The following ANO7 variants were observed in gnomAD, a reference collection of about 807,000 sequenced individuals.
ANO7 encodes anoctamin 7.
ANO7 carries 114 observed loss-of-function variants against 115.8 expected under a neutral mutation model. The ratio of observed to expected loss-of-function variants is 0.98; its 90% CI spans 0.85 to 1.15. ANO7 has a LOEUF of 1.15. ANO7 is among the 50% of genes most tolerant of loss of function. The probability of loss-of-function intolerance (pLI) is 0.00; values close to 1 mark genes in which losing one functional copy is unlikely to be tolerated. For missense variants in ANO7, 1,302 were observed against 1,201.2 expected (o/e 1.08, Z -1.24); for synonymous variants, 550 against 498.2 (o/e 1.10, Z -1.38).
chr2:241,208,657 C>T (rs369262768), intron 11 of ANO7, among the ~76,000 whole-genome samples: 34 of 152,228 alleles, frequency 2.2e-4, no homozygotes, highest in Admixed American at 5.9e-4. Flanking sequence ...GTCCATCCCA[C>T]GTGCAAAATA....
intron 13 of ANO7, 128 bp from the exon 14 acceptor site, chr2:241,210,167 G>T: frequency 1.2e-6 from 1 of 866,260 alleles, no homozygotes; most frequent in Admixed American, 1.9e-5. Context: ...CTGGAGGCAG[G>T]GGCCTTCCTA....
chr2:241,214,981 C>T (rs894354158), intron 18 of ANO7, 79 bp downstream of exon 18: 18 of 1,325,704 alleles, frequency 1.4e-5, no homozygotes, highest in African/African-American at 7.3e-5. Flanking sequence ...GCCTCCAGCC[C>T]GGCCCTAGCT....
In ANO7 at chr2:241,204,773, G is replaced by A. The variant is rs1319542516; in HGVS notation, c.890-92G>A. The A allele has an allele frequency of 7.6e-6, 7 of 922,962 alleles. No individual in the cohort carries two copies. In the East Asian group the frequency reaches 1.7e-4, roughly 23 times the overall value. 57.2% of individuals were successfully genotyped at this position (922,962 alleles called of 1,614,324 possible). ...CAGCCCCCAAGCTGGGCTGAGGGTGGTCCCTAGGGGACAAGCATGGCTGTG... is the reference window on the plus strand; with the variant it reads ...CAGCCCCCAAGCTGGGCTGAGGGTGATCCCTAGGGGACAAGCATGGCTGTG... On this transcript the variant is annotated intron_variant, in intron 9 of 24. Coordinates refer to ENST00000674324, the MANE Select transcript of ANO7 (RefSeq NM_001370694.2).
At chr2:241,193,077 T>C (rs2068242672) in intron 3 of ANO7, among the ~76,000 whole-genome samples, 1 of 151,978 alleles carries the variant, frequency 6.6e-6, no homozygotes, top group African/African-American at 2.4e-5. Context: ...TGTTTTTTGT[T>C]TTTTGTGTTT....
intron 11 of ANO7, among the ~76,000 whole-genome samples, chr2:241,208,224 CT>C (rs2068634926): frequency 6.6e-6 from 1 of 152,250 alleles, no homozygotes. Flanking sequence ...TGGGAATCCA[CT>C]TGGATGTTTC....
Position 241,218,298 on chromosome 2 carries a change from C to A in ANO7, c.2238C>A (p.Arg746=). 2 of 1,535,090 alleles carry A rather than the reference C, an allele frequency of 1.3e-6. No homozygotes were observed. The highest frequency in any genetic ancestry group is 8.7e-7 in the Non-Finnish European group (1 of 1,148,574). Reference sequence around the variant, plus strand: ...CGCGCGCCTACTACCGGTGGACCCGCGCCCACGACCTGCGCGGCTTCCTCA... The same window carrying A: ...CGCGCGCCTACTACCGGTGGACCCGAGCCCACGACCTGCGCGGCTTCCTCA... ...FLPRAYYRWT[R]AHDLRGFLNF... Residue 746 remains arginine (R), a synonymous_variant, in exon 21 of 25, where the codon CGC becomes CGA. Coordinates refer to ENST00000674324, the MANE Select transcript of ANO7 (RefSeq NM_001370694.2).
At chr2:241,214,715 CG>C (rs1182577534) in intron 17 of ANO7, 89 bp from the exon 18 acceptor site, 23 of 1,214,032 alleles carry the variant, frequency 1.9e-5, no homozygotes, top group Non-Finnish European at 2.6e-5. Context: ...AGGTGGGGGC[CG>C]GGATGAGGGC....
chr2:241,217,516 C>A (rs936803123), intron 19 of ANO7, 170 bp from the exon 20 acceptor site: 3 of 734,176 alleles, frequency 4.1e-6, no homozygotes, highest in African/African-American at 1.8e-5. Context: ...TCAGGAGAGG[C>A]GGCCCTGGCG....
intron 4 of ANO7, 158 bp downstream of exon 4, chr2:241,196,003 T>C: frequency 6.6e-7 from 1 of 1,515,314 alleles, no homozygotes; most frequent in Non-Finnish European, 8.8e-7. Flanking sequence ...AGCTCCTCCG[T>C]GTGGCTAGGG....
the ANO7 span, chr2:241,236,462 G>A: frequency 5.3e-6 from 4 of 752,546 alleles, no homozygotes; most frequent in Admixed American, 2.4e-5. Flanking sequence ...CAGCCGAGAA[G>A]CACAGCCCGT....
chr2:241,202,802 G>A (rs1401564166), intron 8 of ANO7, among the ~76,000 whole-genome samples: 3 of 152,222 alleles, frequency 2.0e-5, no homozygotes, highest in Non-Finnish European at 1.5e-5. Context: ...TGGCCGAGCA[G>A]GGGAGGGGCC....
At chr2:241,237,338 A>G in the ANO7 span, among the ~76,000 whole-genome samples, 1 of 152,218 alleles carries the variant, frequency 6.6e-6, no homozygotes, top group South Asian at 2.1e-4. Context: ...AACAGGACAC[A>G]GAAGACAGCT....
downstream of ANO7, chr2:241,230,741 T>C: frequency 1.2e-6 from 2 of 1,611,900 alleles, no homozygotes; most frequent in Non-Finnish European, 1.7e-6. The surrounding 1 kb of genome is among the most constrained non-coding windows in gnomAD (Gnocchi z 5.0). Flanking sequence ...TCACCCACTG[T>C]GCTTCCAGCC....
rs938962187 is a variant in ANO7, at chr2:241,224,653, G to C, written c.*500G>C. ...ACATCACCCACATGCCCCAGCTCTC[G>C]GACCCTGCAGCTCTGTGTCCCAGGC... On this transcript the variant is annotated 3_prime_UTR_variant, in exon 25 of 25. Transcript: ENST00000674324. The C allele has an allele frequency of 6.3e-6, 1 of 159,866 alleles. No homozygotes were observed. Among genetic ancestry groups the C allele is most frequent in the Non-Finnish European group, 1.4e-5 (1 of 72,582 alleles). The allele number at this position is 159,866 out of a possible 1,614,324, so 9.9% of individuals were successfully genotyped here.
chr2:241,217,828 C>T lies in ANO7; in HGVS notation c.2115C>T (p.Ala705=), dbSNP rs1202232461. The T allele has an allele frequency of 3.7e-6, 6 of 1,609,252 alleles. No individual in the cohort carries two copies. In the South Asian group the frequency reaches 4.4e-5, roughly 12 times the overall value. ...ACCGGCGCCCGGTGGCCGAGCGCGC[C>T]CAGGACATCGGCATCTGGTTCCACA... ...CEYRRPVAER[A]QDIGIWFHIL... is the part of the protein sequence containing the mutation. Residue 705 remains alanine, a synonymous_variant, in exon 20 of 25, where the codon GCC becomes GCT. Coordinates refer to ENST00000674324, the MANE Select transcript of ANO7 (RefSeq NM_001370694.2).
At chr2:241,195,387 G>A (rs10048694) in intron 3 of ANO7, among the ~76,000 whole-genome samples, 146,713 of 152,296 alleles carry the variant, frequency 0.96, 70,707 homozygotes, top group East Asian at 1. Flanking sequence ...TGAGGTCCTT[G>A]AAGACCCCTG....
At chr2:241,206,614 G>T (rs1413046824) in intron 10 of ANO7, among the ~76,000 whole-genome samples, 1 of 44,964 alleles carries the variant, frequency 2.2e-5, no homozygotes, top group Non-Finnish European at 4.1e-5. Flanking sequence ...GTGCTCCCAG[G>T]CTGACAGGTG....
Position 241,223,835 on chromosome 2 carries a change from T to A in ANO7, c.2532+54T>A. The stretch of plus-strand genomic sequence containing the variant: ...CCCCCCAGCCCTCTCCCTATCCTTG[T>A]CAGTGGCTGCTCTACCTCCGGACAC... On this transcript the variant is annotated intron_variant, in intron 23 of 24. Coordinates refer to ENST00000674324, the MANE Select transcript of ANO7 (RefSeq NM_001370694.2). 8 of 1,613,896 alleles carry A rather than the reference T, an allele frequency of 5.0e-6. No individual in the cohort carries two copies. In the East Asian group the frequency reaches 1.8e-4, roughly 36 times the overall value.
intron 4 of ANO7, among the ~76,000 whole-genome samples, chr2:241,198,695 G>T (rs1383524718): frequency 6.6e-6 from 1 of 152,218 alleles, no homozygotes; most frequent in Admixed American, 6.5e-5. Flanking sequence ...AGGACCACTG[G>T]ACTAAATGGG....
Sources: allele counts gnomAD v4.1 joint callset (sites outside exome capture counted in the v4.1 genomes callset), GRCh38; gene constraint gnomAD v4.1.1; non-coding constraint Gnocchi (gnomAD v3.1); transcripts MANE v1.5; gene names NCBI Gene and HGNC (gene_info 2026-07-23, HGNC 2026-07-21).